The following TFEC variants were observed in gnomAD, a reference collection of about 807,000 sequenced individuals.
TFEC encodes class E basic helix-loop-helix protein 34.
A neutral mutation model predicts 41.6 loss-of-function variants in TFEC; 31 were observed. The ratio of observed to expected loss-of-function variants is 0.74; its 90% confidence interval spans 0.56 to 1.01. The LOEUF is 1.01. Among genes scored for constraint, TFEC ranks in the 50% least tolerant of loss-of-function variants. TFEC has a pLI of 0.00. For synonymous variants in TFEC, 143 were observed against 140.6 expected, an observed-to-expected ratio of 1.02 and a Z score of -0.12; for missense variants, 402 against 404.1, an observed-to-expected ratio of 0.99 and a Z score of 0.04.
At chr7:116,145,358 TGAAG>T (rs1798621716) in intron 1 of TFEC, among the ~76,000 whole-genome samples, 1 of 152,146 alleles carries the variant, frequency 6.6e-6, no homozygotes, top group East Asian at 1.9e-4. Context: ...CTGTCCCATG[TGAAG>T]TAGCTAAAAC....
chr7:116,051,723 C>T (rs376527579), intron 3 of TFEC, among the ~76,000 whole-genome samples: 1 of 152,004 alleles, frequency 6.6e-6, no homozygotes, highest in African/African-American at 2.4e-5. Context: ...AGAGTAGTAT[C>T]AATAATAGTA....
intron 6 of TFEC, among the ~76,000 whole-genome samples, chr7:115,949,427 T>C (rs1791804321): frequency 1.3e-5 from 2 of 152,176 alleles, no homozygotes; most frequent in African/African-American, 4.8e-5. Context: ...GCTGGAGGCA[T>C]CACACTACCT....
intron 6 of TFEC, among the ~76,000 whole-genome samples, chr7:115,946,463 T>C (rs1791564216): frequency 6.7e-6 from 1 of 149,432 alleles, no homozygotes; most frequent in South Asian, 2.3e-4. Flanking sequence ...CCACCCAGGC[T>C]GGAATGCAGT....
intron 3 of TFEC, among the ~76,000 whole-genome samples, chr7:116,108,909 A>G (rs544458307): frequency 5.7e-4 from 87 of 152,198 alleles, no homozygotes; most frequent in African/African-American, 2.0e-3. Context: ...CCAACAATGC[A>G]GACTCAGAAT....
At chr7:116,140,711 C>T (rs1040595523) in intron 1 of TFEC, among the ~76,000 whole-genome samples, 3 of 152,272 alleles carry the variant, frequency 2.0e-5, no homozygotes, top group African/African-American at 7.2e-5. Context: ...CAGGTTAAAA[C>T]TATCTTCAAT....
At chr7:116,024,381 A>T (rs1214769524) in intron 1 of TFEC, among the ~76,000 whole-genome samples, 1 of 152,188 alleles carries the variant, frequency 6.6e-6, no homozygotes, top group Non-Finnish European at 1.5e-5. Context: ...TGTATAATCC[A>T]TCTGGGCCTA....
intron 1 of TFEC, among the ~76,000 whole-genome samples, chr7:116,153,035 C>G (rs892045037): frequency 6.6e-6 from 1 of 151,932 alleles, no homozygotes; most frequent in Non-Finnish European, 1.5e-5. Flanking sequence ...AGGCGAGCCA[C>G]GAAAGATATT....
At chr7:116,016,841 T>C (rs1795211223) in intron 1 of TFEC, among the ~76,000 whole-genome samples, 2 of 152,106 alleles carry the variant, frequency 1.3e-5, no homozygotes, top group South Asian at 2.1e-4. Context: ...TACCTATCTC[T>C]CTATATAATC....
chr7:116,092,824 C>A lies in TFEC; in HGVS notation c.198+17884G>T, dbSNP rs568827220. Among the ~76,000 whole-genome samples, 77 of 152,224 alleles carry A rather than the reference C, an allele frequency of 5.1e-4. 1 individual carries two copies. Among genetic ancestry groups the A allele is most frequent in the Admixed American group, 3.2e-3 (49 of 15,286 alleles). On this transcript the variant is annotated intron_variant, in intron 3 of 8. Transcript: ENST00000484212. ...ACCTCGATAGTCACTGAGTAGTTAA[C>A]CACTTGCCAGATTAGATCTCTAATC...
chr7:115,984,411 T>G lies in TFEC; in HGVS notation c.31A>C (p.Thr11Pro). 1 of 1,613,976 alleles carries G rather than the reference T, an allele frequency of 6.2e-7. No homozygotes were observed. Among genetic ancestry groups the G allele is most frequent in the African/African-American group, 1.3e-5 (1 of 74,982 alleles). ...ACTGCAGGTTGTGACCATTTAAGAGTTGGATTGATGATCTGATGATCAAGG... is the reference window on the plus strand; with the variant it reads ...ACTGCAGGTTGTGACCATTTAAGAGGTGGATTGATGATCTGATGATCAAGG... MTLDHQIINPTLKWSQPAVPS... is the reference protein window; with the variant it reads MTLDHQIINPPLKWSQPAVPS... Residue 11 changes from threonine to proline, a missense_variant, in exon 2 of 8, where the codon ACT (threonine) becomes CCT (proline). By Grantham distance (38) the Thr-to-Pro change is conservative (BLOSUM62 -1). Transcript: ENST00000265440.
At chr7:116,049,393 A>G (rs1451625880) in intron 3 of TFEC, among the ~76,000 whole-genome samples, 1 of 152,252 alleles carries the variant, frequency 6.6e-6, no homozygotes, top group African/African-American at 2.4e-5. Context: ...AGGTCATTAC[A>G]TAATGGTAAA....
chr7:116,015,373 CCTTT>C (rs1482254687), intron 1 of TFEC, among the ~76,000 whole-genome samples: 9 of 151,920 alleles, frequency 5.9e-5, no homozygotes, highest in Non-Finnish European at 1.0e-4. Flanking sequence ...TCTTTTTCTC[CCTTT>C]CTTTCTCAGC....
intron 3 of TFEC, among the ~76,000 whole-genome samples, chr7:116,044,230 T>C (rs1796107579): frequency 6.6e-6 from 1 of 152,188 alleles, no homozygotes; most frequent in African/African-American, 2.4e-5. Context: ...AAAATTCTCC[T>C]ATGCATATCC....
chr7:115,958,794 T>G (rs1400389458), intron 3 of TFEC, among the ~76,000 whole-genome samples: 2 of 151,856 alleles, frequency 1.3e-5, no homozygotes, highest in African/African-American at 4.8e-5. Context: ...TAATATCCTA[T>G]TTAATTTTAT....
Position 116,110,616 on chromosome 7 carries a change from AT to A in TFEC, c.198+91del, listed in dbSNP as rs966354487. The A allele has an allele frequency of 2.8e-5, 27 of 970,472 alleles. No individual in the cohort carries two copies. The African/African-American group carries it at 4.4e-4, about 16-fold the overall frequency. The allele number at this position is 970,472 out of a possible 1,614,324, so 60.1% of individuals were successfully genotyped here. Reference sequence around the variant, plus strand: ...TTTTTATTCTTGTTTTTTTCCTTCAATTTTTTGAGTACAATTAAAACAGACA... The same window carrying A: ...TTTTTATTCTTGTTTTTTTCCTTCAATTTTTGAGTACAATTAAAACAGACA... On this transcript the variant is annotated intron_variant, in intron 3 of 8. Transcript: ENST00000484212.
chr7:115,946,440 G>A (rs1356532007), intron 6 of TFEC, among the ~76,000 whole-genome samples: 2 of 115,482 alleles, frequency 1.7e-5, no homozygotes, highest in African/African-American at 6.7e-5. Flanking sequence ...TGTGTGTGTA[G>A]GGTCTTATTC....
intron 6 of TFEC, among the ~76,000 whole-genome samples, chr7:115,948,393 A>T (rs937140514): frequency 1.3e-5 from 2 of 152,036 alleles, no homozygotes; most frequent in African/African-American, 4.8e-5. Context: ...GAGACACAAC[A>T]AAAAAAGAGA....
At chr7:116,052,657 G>T (rs1346132591) in intron 3 of TFEC, among the ~76,000 whole-genome samples, 1 of 151,584 alleles carries the variant, frequency 6.6e-6, no homozygotes, top group Non-Finnish European at 1.5e-5. Flanking sequence ...TCAATCTCTT[G>T]ATCTCGTGAT....
At chr7:116,127,691 CAAAAAAAAA>C (rs72053152) in intron 1 of TFEC, among the ~76,000 whole-genome samples, 1 of 105,126 alleles carries the variant, frequency 9.5e-6, no homozygotes, top group Non-Finnish European at 2.1e-5. Context: ...GAGTCAGTGT[CAAAAAAAAA>C]AAAAAAAAAG....
Sources: allele counts gnomAD v4.1 joint callset (sites outside exome capture counted in the v4.1 genomes callset), GRCh38; gene constraint gnomAD v4.1.1; transcripts MANE v1.5; gene names NCBI Gene and HGNC (gene_info 2026-07-23, HGNC 2026-07-21).